FERMT2: variants seen among roughly 807,000 people sequenced by gnomAD.
FERMT2 encodes the protein FERM domain containing kindlin 2.
Under a neutral mutation model 82.7 loss-of-function variants are expected in FERMT2, and 15 were observed. The observed-to-expected ratio is 0.18, with a 90% CI of 0.12 to 0.28. FERMT2 has a LOEUF of 0.28. Ranked by LOEUF, FERMT2 falls within the 10% of genes least tolerant of loss-of-function variation. The probability of loss-of-function intolerance (pLI) is 1.00; values close to 1 mark genes in which losing one functional copy is unlikely to be tolerated. For synonymous variants in FERMT2, 274 were observed against 271.5 expected, an observed-to-expected ratio of 1.01 and a Z score of -0.09; for missense variants, 645 against 809.4, an observed-to-expected ratio of 0.80 and a Z score of 2.46.
At position 52,941,338 on chromosome 14, in the gene FERMT2, T is replaced by C. The variant is rs570280791; in HGVS notation, c.157+9074A>G. Among the ~76,000 whole-genome samples the C allele has an allele frequency of 2.6e-5, 4 of 152,330 alleles. 1 individual carries two copies. In the South Asian group the frequency reaches 8.3e-4, roughly 32 times the overall value. ...AACTTTTGGGAGTACTGTAAAAGTT[T>C]TCTATCTTGACTGTGGTAGTTTTAC... On this transcript the variant is annotated intron_variant, in intron 2 of 14. Transcript: ENST00000341590.
At chr14:52,861,038 T>C (rs546083775) in intron 12 of FERMT2, 5 of 1,507,464 alleles carry the variant, frequency 3.3e-6, no homozygotes, top group East Asian at 2.6e-5. Context: ...AGCCTGGCTG[T>C]AGATGGCAAT....
intron 4 of FERMT2, among the ~76,000 whole-genome samples, chr14:52,882,604 G>A (rs1228572213): frequency 6.6e-6 from 1 of 152,074 alleles, no homozygotes; most frequent in Non-Finnish European, 1.5e-5. Flanking sequence ...AATGTGCAAT[G>A]GGCATAACAC....
At chr14:52,897,956 A>G (rs921308356) in intron 3 of FERMT2, among the ~76,000 whole-genome samples, 1 of 123,304 alleles carries the variant, frequency 8.1e-6, no homozygotes, top group African/African-American at 2.9e-5. Context: ...AGCCTGGGCA[A>G]GGAGAGTGAA....
At chr14:52,948,999 AAC>A (rs528865143) in intron 2 of FERMT2, among the ~76,000 whole-genome samples, 28 of 152,348 alleles carry the variant, frequency 1.8e-4, no homozygotes, top group Non-Finnish European at 2.9e-4. Flanking sequence ...ATATTTTGCA[AAC>A]AGTGACTGAT....
chr14:52,866,873 C>T (rs1439246139), intron 10 of FERMT2, among the ~76,000 whole-genome samples: 1 of 152,168 alleles, frequency 6.6e-6, no homozygotes, highest in Non-Finnish European at 1.5e-5. Context: ...CATCCTCCAG[C>T]TTTCCTATCC....
At chr14:52,942,357 C>T (rs1262366254) in intron 2 of FERMT2, among the ~76,000 whole-genome samples, 6 of 147,082 alleles carry the variant, frequency 4.1e-5, no homozygotes, top group Non-Finnish European at 7.4e-5. Context: ...GGCTGGAGTG[C>T]AGTGGCGCGA....
chr14:52,901,105 CAAAAAAAAAA>C (rs71125146), intron 3 of FERMT2, among the ~76,000 whole-genome samples: 21 of 68,612 alleles, frequency 3.1e-4, no homozygotes, highest in East Asian at 1.6e-3. Context: ...ACTAAAAATA[CAAAAAAAAAA>C]AAAAAAAAAA....
At chr14:52,887,413 G>A (rs972185004) in intron 4 of FERMT2, among the ~76,000 whole-genome samples, 8 of 151,920 alleles carry the variant, frequency 5.3e-5, no homozygotes, top group Admixed American at 2.0e-4. Context: ...CTTGGGAGGC[G>A]GAGGGAGGAG....
intron 2 of FERMT2, among the ~76,000 whole-genome samples, chr14:52,930,683 G>A (rs1889525107): frequency 6.6e-6 from 1 of 152,108 alleles, no homozygotes; most frequent in Admixed American, 6.5e-5. Flanking sequence ...TGTTGTCTTA[G>A]GCCTGGGTTT....
chr14:52,935,892 A>C (rs1329887654), intron 2 of FERMT2, among the ~76,000 whole-genome samples: 1 of 152,244 alleles, frequency 6.6e-6, no homozygotes, highest in Non-Finnish European at 1.5e-5. Flanking sequence ...TATAAGACAT[A>C]CTAACTCAAA....
At chr14:52,874,318 T>C in intron 8 of FERMT2, 92 bp from the exon 9 acceptor site, 1 of 663,190 alleles carries the variant, frequency 1.5e-6, no homozygotes. Flanking sequence ...GCTTACTTAA[T>C]AAACAGAATG....
At chr14:52,909,609 G>A (rs1417800611) in intron 3 of FERMT2, among the ~76,000 whole-genome samples, 1 of 152,044 alleles carries the variant, frequency 6.6e-6, no homozygotes, top group East Asian at 1.9e-4. Context: ...CCAACATGGC[G>A]AAATTCCACC....
intron 4 of FERMT2, among the ~76,000 whole-genome samples, chr14:52,886,491 C>G (rs1378142459): frequency 6.6e-6 from 1 of 152,070 alleles, no homozygotes; most frequent in Non-Finnish European, 1.5e-5. Context: ...CCACAACGCC[C>G]AGCTCTGGGA....
chr14:52,911,872 A>G (rs1462466365), intron 3 of FERMT2, among the ~76,000 whole-genome samples: 1 of 152,020 alleles, frequency 6.6e-6, no homozygotes, highest in African/African-American at 2.4e-5. Context: ...CTGTTTTCTT[A>G]TTTACTTTTG....
chr14:52,935,213 A>G (rs1185751608), intron 2 of FERMT2, among the ~76,000 whole-genome samples: 1 of 152,234 alleles, frequency 6.6e-6, no homozygotes, highest in Non-Finnish European at 1.5e-5. Flanking sequence ...TTAATCTGCT[A>G]GCAGAAGCTG....
chr14:52,921,952 A>G (rs17125916), intron 2 of FERMT2, among the ~76,000 whole-genome samples: 30,177 of 152,060 alleles, frequency 0.2, 3,679 homozygotes, highest in African/African-American at 0.33. Context: ...AAGCTCCATC[A>G]TATACTCCCC....
At chr14:52,942,971 G>T (rs1890163680) in intron 2 of FERMT2, among the ~76,000 whole-genome samples, 1 of 152,124 alleles carries the variant, frequency 6.6e-6, no homozygotes, top group Non-Finnish European at 1.5e-5. Flanking sequence ...CCAGCACCTT[G>T]GGAGGCCGAG....
chr14:52,931,554 C>T (rs1460798659), intron 2 of FERMT2, among the ~76,000 whole-genome samples: 1 of 152,092 alleles, frequency 6.6e-6, no homozygotes, highest in Non-Finnish European at 1.5e-5. Context: ...GTTGTCTAAG[C>T]TAGAATCATG....
At position 52,864,857 on chromosome 14, in the gene FERMT2, T is replaced by C; in HGVS notation, c.1274-4A>G. ...ACATCTGGGGTAACTTCACATCCTG[T>C]AACAAAAAATTTTTATTAAAATGGC... On this transcript the variant is annotated splice_polypyrimidine_tract_variant and splice_region_variant and intron_variant, in intron 10 of 14. Coordinates refer to ENST00000341590, the MANE Select transcript of FERMT2 (RefSeq NM_006832.3). The C allele has an allele frequency of 6.5e-7, 1 of 1,537,848 alleles. No homozygotes were observed.
Sources: gnomAD v4.1 joint callset for allele counts (sites outside exome capture counted in the v4.1 genomes callset) on GRCh38, gnomAD v4.1.1 for gene constraint, MANE v1.5 for transcripts, NCBI Gene and HGNC (gene_info 2026-07-23, HGNC 2026-07-21) for gene names.